RBMS3: variants seen among roughly 807,000 people sequenced by gnomAD.
RBMS3 encodes RNA binding motif single stranded interacting protein 3.
In RBMS3, 27 loss-of-function variants were observed where a neutral mutation model predicts 66.8. The observed-to-expected ratio is 0.40, with a 90% CI of 0.30 to 0.56. The LOEUF (loss-of-function observed/expected upper bound fraction) is 0.56. RBMS3 is among the 20% of genes least tolerant of loss of function. RBMS3 has a pLI of 0.40. For missense variants in RBMS3, 513 were observed against 549.5 expected (o/e 0.93, Z 0.66); for synonymous variants, 188 against 183.0 (o/e 1.03, Z -0.22).
Position 29,762,984 on chromosome 3 carries a change from T to C in RBMS3, c.632T>C (p.Ile211Thr). ...AAATATCTGAAAACACCACCAGGCATCCCAGGTAAGAAATTCACTAATAAG... is the reference window on the plus strand; with the variant it reads ...AAATATCTGAAAACACCACCAGGCACCCCAGGTAAGAAATTCACTAATAAG... ...NGKYLKTPPG[I>T]PAPSEPLLCK... is the part of the protein sequence containing the mutation. The change falls in exon 6 of 15, where the codon ATC (isoleucine) becomes ACC (threonine). Residue 211 changes from isoleucine (I) to threonine (T), a missense_variant. Coordinates refer to ENST00000383767, the MANE Select transcript of RBMS3 (RefSeq NM_001003793.3). 1 of 1,601,438 alleles carries C rather than the reference T, an allele frequency of 6.2e-7. No individual in the cohort carries two copies. Among genetic ancestry groups the C allele is most frequent in the East Asian group, 2.2e-5 (1 of 44,738 alleles).
chr3:29,816,339 C>G (rs1235804810), intron 6 of RBMS3, among the ~76,000 whole-genome samples: 1 of 126,976 alleles, frequency 7.9e-6, no homozygotes, highest in African/African-American at 2.9e-5. Context: ...CACACACACA[C>G]ACACACACAC....
chr3:29,549,065 T>G (rs1227627390), intron 3 of RBMS3, among the ~76,000 whole-genome samples: 2 of 148,166 alleles, frequency 1.3e-5, no homozygotes, highest in East Asian at 1.9e-4. Context: ...TTCTGTTTTT[T>G]TTTTTTTTTT....
At chr3:29,493,244 A>C (rs1162087012) in intron 3 of RBMS3, among the ~76,000 whole-genome samples, 1 of 152,192 alleles carries the variant, frequency 6.6e-6, no homozygotes, top group Non-Finnish European at 1.5e-5. Flanking sequence ...AGGGATATAA[A>C]ATAATGTGTA....
chr3:29,827,261 G>T (rs1437236949), intron 6 of RBMS3, among the ~76,000 whole-genome samples: 3 of 152,128 alleles, frequency 2.0e-5, no homozygotes, highest in Non-Finnish European at 2.9e-5. Flanking sequence ...TCTAATTTGA[G>T]CTGCCATCAG....
intron 1 of RBMS3, among the ~76,000 whole-genome samples, chr3:29,367,123 A>G (rs2125593611): frequency 6.6e-6 from 1 of 152,270 alleles, no homozygotes; most frequent in African/African-American, 2.4e-5. Context: ...ATTTATGGAG[A>G]GAATTGAATG....
chr3:29,530,011 ATTTTC>A (rs2045287197), intron 3 of RBMS3, among the ~76,000 whole-genome samples: 1 of 152,062 alleles, frequency 6.6e-6, no homozygotes, highest in African/African-American at 2.4e-5. Context: ...GTAAGTAAAT[ATTTTC>A]TTCATTCCAA....
In RBMS3 at chr3:29,691,949, A is replaced by ATTTTTTTTTTTTTTTTTTTTTTTT. The variant is rs1294126975; in HGVS notation, c.400-47753_400-47752insTTTTTTTTTTTTTTTTTTTTTTTT. ...GTGACCCTTCTCTCTCTCTCTCTCT[A>ATTTTTTTTTTTTTTTTTTTTTTTT]TTTTTTTTTTTTTTTTTTGAGATGG... On this transcript the variant is annotated intron_variant, in intron 4 of 14. Transcript: ENST00000383767. 4.2e-4 allele frequency among the ~76,000 whole-genome samples: 27 copies of ATTTTTTTTTTTTTTTTTTTTTTTT among 64,988 alleles called. 6 individuals are homozygous for ATTTTTTTTTTTTTTTTTTTTTTTT. The highest frequency in any genetic ancestry group is 8.9e-4 in the East Asian group (2 of 2,256). 42.6% of individuals were successfully genotyped at this position (64,988 alleles called of 152,430 possible).
chr3:29,707,272 C>G (rs1365581435), intron 4 of RBMS3, among the ~76,000 whole-genome samples: 2 of 152,034 alleles, frequency 1.3e-5, no homozygotes, highest in Non-Finnish European at 2.9e-5. Context: ...ATGATTATTG[C>G]GAGAAGTGAA....
At chr3:29,892,843 G>GTATGTATGTATGTATGTATTTATT (rs1336972891) in intron 8 of RBMS3, among the ~76,000 whole-genome samples, 1 of 137,434 alleles carries the variant, frequency 7.3e-6, no homozygotes, top group Non-Finnish European at 1.5e-5. Context: ...ATGTATGTAT[G>GTATGTATGTATGTATGTATTTATT]TATTTATTTA....
intron 4 of RBMS3, among the ~76,000 whole-genome samples, chr3:29,678,378 C>A (rs2051340571): frequency 6.6e-6 from 1 of 152,068 alleles, no homozygotes; most frequent in Non-Finnish European, 1.5e-5. Context: ...GTAGTTCTTA[C>A]ACCAAACAGT....
intron 1 of RBMS3, among the ~76,000 whole-genome samples, chr3:29,343,881 A>C (rs1409590664): frequency 6.6e-6 from 1 of 152,214 alleles, no homozygotes; most frequent in African/African-American, 2.4e-5. Flanking sequence ...TGGGCTGCAC[A>C]CTGGTAGTTT....
chr3:29,479,328 G>GTA (rs1403092033), intron 2 of RBMS3, among the ~76,000 whole-genome samples: 1 of 150,250 alleles, frequency 6.7e-6, no homozygotes, highest in Admixed American at 6.7e-5. Context: ...AATATACAAT[G>GTA]TATATATACA....
intron 4 of RBMS3, among the ~76,000 whole-genome samples, chr3:29,712,687 G>A (rs903821233): frequency 3.9e-5 from 6 of 152,126 alleles, no homozygotes; most frequent in East Asian, 1.9e-4. Context: ...TATATAACCT[G>A]CTGGAAGACC....
intron 1 of RBMS3, among the ~76,000 whole-genome samples, chr3:29,418,690 A>G (rs1469425154): frequency 1.3e-5 from 2 of 152,126 alleles, no homozygotes; most frequent in South Asian, 2.1e-4. Context: ...AAATAAGGAC[A>G]TAACTCTAGA....
At chr3:29,409,141 A>G (rs2125680511) in intron 1 of RBMS3, among the ~76,000 whole-genome samples, 1 of 152,234 alleles carries the variant, frequency 6.6e-6, no homozygotes, top group East Asian at 1.9e-4. Context: ...AGAAAATCTC[A>G]GTTATTTTCT....
chr3:29,649,383 T>C (rs374159283), intron 4 of RBMS3, among the ~76,000 whole-genome samples: 5 of 152,312 alleles, frequency 3.3e-5, no homozygotes, highest in East Asian at 3.9e-4. Flanking sequence ...GGCTGTGTCA[T>C]CAAATTCTAA....
At chr3:29,578,809 T>TCTGC (rs1261476166) in intron 3 of RBMS3, among the ~76,000 whole-genome samples, 3 of 124,182 alleles carry the variant, frequency 2.4e-5, no homozygotes, top group East Asian at 4.4e-4. Context: ...TTTTTTTTTT[T>TCTGC]TTTGAGACGG....
At chr3:29,882,653 CT>C (rs1035362550) in intron 7 of RBMS3, among the ~76,000 whole-genome samples, 3 of 152,030 alleles carry the variant, frequency 2.0e-5, no homozygotes, top group African/African-American at 4.8e-5. Flanking sequence ...GCAATCTAAG[CT>C]TGAAAGCAGC....
intron 4 of RBMS3, among the ~76,000 whole-genome samples, chr3:29,657,453 A>C (rs751996277): frequency 6.6e-6 from 1 of 152,200 alleles, no homozygotes; most frequent in Non-Finnish European, 1.5e-5. Context: ...TCCACTGAGC[A>C]TTGAAAGTGT....
Sources: gnomAD v4.1 joint callset for allele counts (sites outside exome capture counted in the v4.1 genomes callset) on GRCh38, gnomAD v4.1.1 for gene constraint, MANE v1.5 for transcripts, NCBI Gene and HGNC (gene_info 2026-07-23, HGNC 2026-07-21) for gene names.